The following GPHN variants were observed in gnomAD, a reference collection of about 807,000 sequenced individuals.
GPHN encodes the protein gephyrin.
A neutral mutation model predicts 95.5 loss-of-function variants in GPHN; 17 were observed. The observed-to-expected ratio is 0.18, with a 90% CI of 0.12 to 0.27. GPHN has a LOEUF of 0.27. GPHN is among the 10% of genes least tolerant of loss of function. The probability of loss-of-function intolerance (pLI) is 1.00; values close to 1 mark genes in which losing one functional copy is unlikely to be tolerated. For synonymous variants in GPHN, 320 were observed against 322.5 expected (o/e 0.99, Z 0.08); for missense variants, 660 against 978.1 (o/e 0.67, Z 4.34).
the GPHN span, among the ~76,000 whole-genome samples, chr14:67,486,425 C>A: frequency 6.6e-6 from 1 of 152,226 alleles, no homozygotes; most frequent in Non-Finnish European, 1.5e-5. Context: ...CAGGTGCATG[C>A]CACAATGCCC....
intron 1 of GPHN, among the ~76,000 whole-genome samples, chr14:66,631,505 G>A (rs760664955): frequency 1.3e-5 from 2 of 152,112 alleles, no homozygotes; most frequent in Non-Finnish European, 2.9e-5. Flanking sequence ...AAGTTTGTAT[G>A]AGTCTTAAAA....
the GPHN span, among the ~76,000 whole-genome samples, chr14:67,558,191 C>T: frequency 6.6e-6 from 1 of 152,208 alleles, no homozygotes; most frequent in African/African-American, 2.4e-5. Flanking sequence ...CTTTCCTCTG[C>T]CACTGGCCTT....
At chr14:67,477,239 C>G in the GPHN span, among the ~76,000 whole-genome samples, 1 of 152,134 alleles carries the variant, frequency 6.6e-6, no homozygotes, top group African/African-American at 2.4e-5. Context: ...GCCTGCCATT[C>G]AAGATTCTTC....
At chr14:66,632,845 T>C (rs897086950) in intron 1 of GPHN, among the ~76,000 whole-genome samples, 2 of 152,158 alleles carry the variant, frequency 1.3e-5, no homozygotes, top group African/African-American at 4.8e-5. Context: ...ACATTCCACG[T>C]TTGTTATGCC....
At chr14:67,057,407 T>TGG (rs144173316) in intron 10 of GPHN, among the ~76,000 whole-genome samples, 4,998 of 123,024 alleles carry the variant, frequency 0.041, 332 homozygotes, top group East Asian at 0.15. Context: ...CATGGGCACA[T>TGG]GGGTGGGGGG....
At chr14:66,546,170 G>A (rs2059587014) in intron 1 of GPHN, among the ~76,000 whole-genome samples, 1 of 151,618 alleles carries the variant, frequency 6.6e-6, no homozygotes, top group Non-Finnish European at 1.5e-5. Context: ...TCCTAGATGG[G>A]ATGGCGGCCG....
At chr14:67,307,390 A>T in the GPHN span, among the ~76,000 whole-genome samples, 1 of 152,168 alleles carries the variant, frequency 6.6e-6, no homozygotes, top group African/African-American at 2.4e-5. Context: ...TCTAACAAGG[A>T]GTGTATTTAA....
the GPHN span, among the ~76,000 whole-genome samples, chr14:67,504,073 G>A: frequency 2.6e-5 from 4 of 151,526 alleles, no homozygotes; most frequent in Admixed American, 6.6e-5. Context: ...GAGTGCAGTC[G>A]TGCGATCTCG....
At chr14:67,685,150 A>C in the GPHN span, 4 of 1,614,196 alleles carry the variant, frequency 2.5e-6, no homozygotes, top group Non-Finnish European at 3.4e-6. Context: ...TGAGTGCCGA[A>C]CCAGTTCAGA....
At chr14:66,710,881 C>T (rs2069553380) in intron 2 of GPHN, among the ~76,000 whole-genome samples, 1 of 152,096 alleles carries the variant, frequency 6.6e-6, no homozygotes, top group South Asian at 2.1e-4. Flanking sequence ...GCTCATAGAA[C>T]ATAGTCTGAT....
At chr14:66,553,021 G>A (rs369610656) in intron 1 of GPHN, among the ~76,000 whole-genome samples, 14 of 142,958 alleles carry the variant, frequency 9.8e-5, no homozygotes, top group East Asian at 4.0e-4. Context: ...CAAGAGTTTC[G>A]TTGTTGTTTC....
the GPHN span, among the ~76,000 whole-genome samples, chr14:67,712,493 CAAAAAAAAAAAA>C: frequency 7.7e-4 from 30 of 38,952 alleles, no homozygotes; most frequent in African/African-American, 1.2e-3. Flanking sequence ...AAAAAACTTG[CAAAAAAAAAAAA>C]AAAAAAAAAA....
chr14:66,708,512 C>T lies in GPHN; in HGVS notation c.143+27327C>T, dbSNP rs149569470. 5.3e-4 allele frequency among the ~76,000 whole-genome samples: 81 copies of T among 152,224 alleles called. 3 individuals carry two copies. The East Asian group carries it at 0.015, about 28-fold the overall frequency. On this transcript the variant is annotated intron_variant, in intron 2 of 22. Transcript: ENST00000478722. ...GCCACATTTAGAGGCATCCACCAAC[C>T]ATTTTCTGGACATGAATTTACAAGA...
chr14:66,599,839 C>A (rs972692163), intron 1 of GPHN, among the ~76,000 whole-genome samples: 1 of 151,828 alleles, frequency 6.6e-6, no homozygotes, highest in African/African-American at 2.4e-5. Flanking sequence ...ATCTATATAT[C>A]TGTATATCTA....
chr14:67,216,823 G>A, the GPHN span, among the ~76,000 whole-genome samples: 1 of 152,118 alleles, frequency 6.6e-6, no homozygotes, highest in East Asian at 1.9e-4. Context: ...TTTGTTTTGT[G>A]TCCTAACATA....
At chr14:67,713,916 C>G in the GPHN span, among the ~76,000 whole-genome samples, 4 of 152,144 alleles carry the variant, frequency 2.6e-5, no homozygotes, top group African/African-American at 9.7e-5. Flanking sequence ...TTTTGAGTTT[C>G]TGTTTAGCCT....
At chr14:66,561,147 T>C (rs1231233821) in intron 1 of GPHN, among the ~76,000 whole-genome samples, 1 of 152,170 alleles carries the variant, frequency 6.6e-6, no homozygotes, top group Non-Finnish European at 1.5e-5. Flanking sequence ...GGTTTGCCAG[T>C]ATTTTATTGA....
chr14:66,820,593 A>G (rs1041491555), intron 3 of GPHN, among the ~76,000 whole-genome samples: 25 of 152,158 alleles, frequency 1.6e-4, no homozygotes, highest in African/African-American at 5.8e-4. Context: ...CAATAAGAAA[A>G]AGATATGGAG....
At chr14:67,224,298 G>T in the GPHN span, among the ~76,000 whole-genome samples, 4 of 140,672 alleles carry the variant, frequency 2.8e-5, no homozygotes, top group Admixed American at 3.0e-4. Flanking sequence ...TTACTCTGTC[G>T]CCCAGGCTGG....
Sources: allele counts gnomAD v4.1 joint callset (sites outside exome capture counted in the v4.1 genomes callset), GRCh38; gene constraint gnomAD v4.1.1; transcripts MANE v1.5; gene names NCBI Gene and HGNC (gene_info 2026-07-23, HGNC 2026-07-21).